The following PKIB variants were observed in gnomAD, a reference collection of about 807,000 sequenced individuals.
PKIB encodes the protein PKI-beta.
PKIB carries 2 observed loss-of-function variants against 4.5 expected under a neutral mutation model. The ratio of observed to expected loss-of-function variants is 0.44; its 90% CI spans 0.18 to 1.39. PKIB has a LOEUF of 1.39. Among genes scored for constraint, PKIB ranks in the 40% most tolerant of loss-of-function variants. PKIB has a pLI of 0.27. For missense variants in PKIB, 94 were observed against 92.6 expected (o/e 1.02, Z -0.06); for synonymous variants, 38 against 36.0 (o/e 1.06, Z -0.20).
At chr6:122,636,315 A>G (rs887231252) in intron 2 of PKIB, among the ~76,000 whole-genome samples, 3 of 152,100 alleles carry the variant, frequency 2.0e-5, no homozygotes, top group Admixed American at 6.5e-5. Flanking sequence ...AAAAATCCCA[A>G]GAGAATTAAC....
At chr6:122,706,462 C>T (rs1229374832) in intron 3 of PKIB, among the ~76,000 whole-genome samples, 1 of 152,046 alleles carries the variant, frequency 6.6e-6, no homozygotes, top group African/African-American at 2.4e-5. Context: ...TTGCACTGAA[C>T]GGAAGATATA....
At position 122,717,918 on chromosome 6, in the gene PKIB, A is replaced by G; in HGVS notation, c.124A>G (p.Thr42Ala). Reference protein sequence around the residue: ...DIQSSAATDGTSDLPLKLEAL... With the variant: ...DIQSSAATDGASDLPLKLEAL... Reference sequence around the variant, plus strand: ...CCAGAGTTCAGCTGCCACAGACGGAACCTCAGATTTGCCCCTCAAACTGGA... The same window carrying G: ...CCAGAGTTCAGCTGCCACAGACGGAGCCTCAGATTTGCCCCTCAAACTGGA... Residue 42 changes from threonine (T) to alanine (A), a missense_variant, in exon 4 of 5, where the codon ACC becomes GCC. Physicochemically the swap from Thr to Ala is moderately conservative, Grantham distance 58 (BLOSUM62 0). Coordinates refer to ENST00000368452, the MANE Select transcript of PKIB (RefSeq NM_181795.3). The G allele has an allele frequency of 6.2e-7, 1 of 1,613,934 alleles. No individual in the cohort carries two copies. The highest frequency in any genetic ancestry group is 8.5e-7 in the Non-Finnish European group (1 of 1,179,902).
chr6:122,580,503 C>A (rs1194549545), intron 2 of PKIB, among the ~76,000 whole-genome samples: 1 of 152,094 alleles, frequency 6.6e-6, no homozygotes, highest in Non-Finnish European at 1.5e-5. Context: ...TTCTCTTCTT[C>A]TGTAAAGATT....
At chr6:122,714,018 CT>C (rs1224874728) in intron 3 of PKIB, among the ~76,000 whole-genome samples, 4 of 152,234 alleles carry the variant, frequency 2.6e-5, no homozygotes, top group Non-Finnish European at 5.9e-5. Flanking sequence ...TATTCAGATA[CT>C]TTTTTTCTTG....
At chr6:122,627,157 G>C (rs1379936424) in intron 1 of PKIB, among the ~76,000 whole-genome samples, 1 of 151,258 alleles carries the variant, frequency 6.6e-6, no homozygotes, top group Non-Finnish European at 1.5e-5. Flanking sequence ...GCAGGAAAAC[G>C]GCGTAAACCC....
At chr6:122,513,119 A>C (rs1225144699) in intron 2 of PKIB, among the ~76,000 whole-genome samples, 8 of 152,164 alleles carry the variant, frequency 5.3e-5, no homozygotes, top group Non-Finnish European at 1.0e-4. Context: ...GTGGTAGACC[A>C]TATTATCATC....
At chr6:122,720,913 G>A (rs1441567081) in intron 4 of PKIB, among the ~76,000 whole-genome samples, 1 of 152,252 alleles carries the variant, frequency 6.6e-6, no homozygotes, top group African/African-American at 2.4e-5. Context: ...CGTTGGGCAG[G>A]CTGGTCTCAA....
chr6:122,576,710 A>ATATATATATATATATATATATATATTTT (rs59569106), intron 2 of PKIB, among the ~76,000 whole-genome samples: 1 of 110,034 alleles, frequency 9.1e-6, no homozygotes, highest in African/African-American at 4.0e-5. Context: ...ATATATATAT[A>ATATATATATATATATATATATATATTTT]TTTTCTTTTG....
At chr6:122,700,251 C>T (rs796539511) in intron 3 of PKIB, among the ~76,000 whole-genome samples, 1 of 94,302 alleles carries the variant, frequency 1.1e-5, no homozygotes, top group African/African-American at 4.0e-5. Flanking sequence ...TCTTTTCTTT[C>T]TTTTTTTTTT....
intron 2 of PKIB, among the ~76,000 whole-genome samples, chr6:122,558,191 T>C (rs1166006250): frequency 6.6e-6 from 1 of 152,218 alleles, no homozygotes; most frequent in East Asian, 1.9e-4. Flanking sequence ...CACACAATGT[T>C]ATCAAGCCTC....
chr6:122,558,201 C>CT (rs1772905360), intron 2 of PKIB, among the ~76,000 whole-genome samples: 7 of 152,138 alleles, frequency 4.6e-5, no homozygotes, highest in Admixed American at 4.6e-4. Context: ...TATCAAGCCT[C>CT]TTTTTTCATG....
chr6:122,649,883 A>G (rs899459078), intron 2 of PKIB, among the ~76,000 whole-genome samples: 3 of 152,182 alleles, frequency 2.0e-5, no homozygotes, highest in African/African-American at 4.8e-5. Flanking sequence ...TGCAGTCAAC[A>G]TCTCTATCTG....
chr6:122,571,555 G>A (rs770680776), intron 2 of PKIB, among the ~76,000 whole-genome samples: 9 of 152,190 alleles, frequency 5.9e-5, no homozygotes, highest in Non-Finnish European at 1.2e-4. Context: ...AGATTTCTCA[G>A]CAGAAACCTT....
chr6:122,591,220 C>CACCCA (rs1554222348), intron 3 of PKIB, among the ~76,000 whole-genome samples: 161 of 142,808 alleles, frequency 1.1e-3, no homozygotes, highest in Middle Eastern at 0.011. Context: ...ACACACACAC[C>CACCCA]CCCCACATAC....
chr6:122,575,004 A>T (rs186600455), intron 2 of PKIB, among the ~76,000 whole-genome samples: 121 of 152,338 alleles, frequency 7.9e-4, no homozygotes, highest in African/African-American at 2.8e-3. Context: ...TGCATCTGAC[A>T]AAGAACTAGT....
intron 2 of PKIB, among the ~76,000 whole-genome samples, chr6:122,639,484 G>C (rs1465715833): frequency 6.6e-6 from 1 of 152,192 alleles, no homozygotes; most frequent in Non-Finnish European, 1.5e-5. Flanking sequence ...GCCCTGCACT[G>C]TTGTGAGCTG....
chr6:122,498,031 G>C lies in PKIB; in HGVS notation c.-248+20092G>C, dbSNP rs539322198. On this transcript the variant is annotated intron_variant, in intron 2 of 6. Transcript: ENST00000392491. ...CCAACCATACTTTTGGGCCACAGTG[G>C]AACAAAAATACAAATCACTACCAAG... Among the ~76,000 whole-genome samples, 175 of 152,194 alleles carry C rather than the reference G, an allele frequency of 1.1e-3. 1 individual carries two copies. The highest frequency in any genetic ancestry group is 4.1e-3 in the African/African-American group (170 of 41,522).
intron 2 of PKIB, chr6:122,643,909 G>A (rs2114856622): frequency 6.6e-6 from 1 of 152,164 alleles, no homozygotes; most frequent in African/African-American, 2.4e-5. Flanking sequence ...TATTTTCATT[G>A]CTAATTATTG....
intron 2 of PKIB, chr6:122,478,216 A>T (rs1283729681): frequency 6.6e-6 from 1 of 152,168 alleles, no homozygotes; most frequent in East Asian, 1.9e-4. Context: ...GATGAAGCTT[A>T]TGAGCCAACC....
Sources: gnomAD v4.1 joint callset for allele counts (sites outside exome capture counted in the v4.1 genomes callset) on GRCh38, gnomAD v4.1.1 for gene constraint, MANE v1.5 for transcripts, NCBI Gene and HGNC (gene_info 2026-07-23, HGNC 2026-07-21) for gene names.